Variants in RHBDD1 observed in about 807,000 individuals in gnomAD.
RHBDD1 encodes the protein rhomboid-related protein 4.
A neutral mutation model predicts 36.3 loss-of-function variants in RHBDD1; 38 were observed. That is an observed-to-expected ratio of 1.05 (90% CI 0.81 to 1.37). The LOEUF is 1.37. Ranked by LOEUF, RHBDD1 falls within the 40% of genes most tolerant of loss-of-function variation. The probability of loss-of-function intolerance (pLI) is 0.00; values close to 1 mark genes in which losing one functional copy is unlikely to be tolerated. For missense variants in RHBDD1, 393 were observed against 377.6 expected (o/e 1.04, Z -0.34); for synonymous variants, 151 against 136.5 (o/e 1.11, Z -0.74).
At chr2:226,916,809 G>T (rs1014057602) in intron 8 of RHBDD1, among the ~76,000 whole-genome samples, 1 of 152,168 alleles carries the variant, frequency 6.6e-6, no homozygotes, top group Non-Finnish European at 1.5e-5. Flanking sequence ...TTGTAGTTTT[G>T]TTTCTAAAGG....
chr2:226,817,873 A>G, the RHBDD1 span, among the ~76,000 whole-genome samples: 1 of 152,336 alleles, frequency 6.6e-6, no homozygotes, highest in African/African-American at 2.4e-5. Context: ...TCTTCAGTGA[A>G]TTCCGCAGTC....
chr2:226,871,255 TA>T (rs1330891441), intron 5 of RHBDD1, among the ~76,000 whole-genome samples: 1 of 152,196 alleles, frequency 6.6e-6, no homozygotes, highest in Non-Finnish European at 1.5e-5. Flanking sequence ...TATAAATTTA[TA>T]AATTTTCAAA....
At chr2:226,809,423 A>G in the RHBDD1 span, among the ~76,000 whole-genome samples, 5 of 152,364 alleles carry the variant, frequency 3.3e-5, no homozygotes, top group African/African-American at 1.2e-4. Flanking sequence ...CAAAAGTTCA[A>G]CATACTCAGA....
Position 226,864,855 on chromosome 2 carries a change from T to TA in RHBDD1, c.163dup (p.Ser55LysfsTer23). On this transcript the variant is annotated frameshift_variant, in exon 4 of 9. Transcript: ENST00000392062. LOFTEE classifies it high-confidence loss of function. The stretch of plus-strand genomic sequence containing the variant: ...AGAAGCCACTGTATAGCTCCTGCCT[T>TA]AGTGTGGAGAAGTGTTACCAGCAAA... 1 of 1,614,196 alleles carries TA rather than the reference T, an allele frequency of 6.2e-7. No individual in the cohort carries two copies.
At chr2:226,911,376 A>G (rs1948504179) in intron 7 of RHBDD1, among the ~76,000 whole-genome samples, 3 of 152,016 alleles carry the variant, frequency 2.0e-5, no homozygotes, top group South Asian at 2.1e-4. Context: ...ATTCATAGGG[A>G]ATTGGGCAGT....
chr2:226,885,414 C>G (rs1313399648), intron 5 of RHBDD1, among the ~76,000 whole-genome samples: 3 of 151,954 alleles, frequency 2.0e-5, no homozygotes, highest in Non-Finnish European at 2.9e-5. Context: ...GGAGAACCCC[C>G]TAAACATCCA....
At chr2:226,903,234 T>G (rs2125607310) in intron 5 of RHBDD1, among the ~76,000 whole-genome samples, 1 of 152,346 alleles carries the variant, frequency 6.6e-6, no homozygotes, top group East Asian at 1.9e-4. Context: ...GCCTTCTGCA[T>G]TTTTAGTTAG....
At chr2:226,929,048 A>G (rs986865380) in intron 8 of RHBDD1, among the ~76,000 whole-genome samples, 3 of 152,112 alleles carry the variant, frequency 2.0e-5, no homozygotes, top group Non-Finnish European at 4.4e-5. Context: ...TGCCAGACAG[A>G]TTCACAGCCA....
chr2:226,830,158 C>A, the RHBDD1 span, among the ~76,000 whole-genome samples: 1 of 152,144 alleles, frequency 6.6e-6, no homozygotes, highest in Non-Finnish European at 1.5e-5. Context: ...AAATTCTAAT[C>A]TCCAAGGTGA....
At chr2:226,913,151 G>T (rs1055051671) in intron 7 of RHBDD1, among the ~76,000 whole-genome samples, 1 of 152,108 alleles carries the variant, frequency 6.6e-6, no homozygotes, top group Non-Finnish European at 1.5e-5. Flanking sequence ...TGGCTGGATT[G>T]TGTTTTTTTT....
intron 5 of RHBDD1, among the ~76,000 whole-genome samples, chr2:226,881,301 A>G (rs190678855): frequency 6.5e-4 from 99 of 152,338 alleles, no homozygotes; most frequent in South Asian, 2.7e-3. Context: ...GCCTAACCAC[A>G]TCACTGCCCA....
intron 8 of RHBDD1, among the ~76,000 whole-genome samples, chr2:226,933,101 T>A (rs539513807): frequency 3.9e-5 from 6 of 152,136 alleles, no homozygotes; most frequent in Admixed American, 1.3e-4. Flanking sequence ...TCAGATCTCA[T>A]GAGACCTCAC....
At position 226,997,591 on chromosome 2, in the gene RHBDD1, T is replaced by G; in HGVS notation, c.*2069T>G. 6.6e-6 allele frequency: 1 copy of G among 152,232 alleles called. No homozygotes were observed. Among genetic ancestry groups the G allele is most frequent in the East Asian group, 1.9e-4 (1 of 5,200 alleles). 9.4% of individuals were successfully genotyped at this position (152,232 alleles called of 1,614,324 possible). ...CACCAAAGTATTTTTTCCATTGTAT[T>G]AAGAGTCCAGTCACTGTATATGGAA... On this transcript the variant is annotated 3_prime_UTR_variant, in exon 9 of 9. Coordinates refer to ENST00000392062, the MANE Select transcript of RHBDD1 (RefSeq NM_001167608.3).
chr2:226,906,950 G>A (rs780576305), intron 6 of RHBDD1, 69 bp downstream of exon 6: 12 of 1,508,658 alleles, frequency 8.0e-6, no homozygotes, highest in African/African-American at 6.9e-5. Flanking sequence ...GTGAACAGAA[G>A]CAACCCCAAG....
chr2:226,915,055 T>C (rs1374178055), intron 8 of RHBDD1, among the ~76,000 whole-genome samples: 3 of 152,036 alleles, frequency 2.0e-5, no homozygotes, highest in Non-Finnish European at 4.4e-5. Context: ...GTGGTAAAAG[T>C]TGGAAACTAC....
intron 8 of RHBDD1, chr2:226,935,102 C>T (rs965986787): frequency 1.1e-4 from 17 of 152,200 alleles, no homozygotes; most frequent in Non-Finnish European, 2.2e-4. Flanking sequence ...CAGCTCTGCA[C>T]TACACAGTTG....
chr2:226,975,787 A>G (rs1284784696), intron 8 of RHBDD1, among the ~76,000 whole-genome samples: 1 of 152,214 alleles, frequency 6.6e-6, no homozygotes, highest in South Asian at 2.1e-4. Flanking sequence ...CTTAGGAACT[A>G]CAGATTATTT....
chr2:226,890,297 G>A (rs114187076), intron 5 of RHBDD1, among the ~76,000 whole-genome samples: 328 of 152,312 alleles, frequency 2.2e-3, no homozygotes, highest in African/African-American at 7.0e-3. Context: ...TACCTGCAAC[G>A]TGTCAGCCAT....
chr2:226,832,118 T>A (rs919587194), upstream of RHBDD1, among the ~76,000 whole-genome samples: 3 of 152,054 alleles, frequency 2.0e-5, no homozygotes, highest in Non-Finnish European at 4.4e-5. Flanking sequence ...GATTTGAGAC[T>A]CTTTTTCTTG....
Sources: allele counts gnomAD v4.1 joint callset (sites outside exome capture counted in the v4.1 genomes callset), GRCh38; gene constraint gnomAD v4.1.1; transcripts MANE v1.5; gene names NCBI Gene and HGNC (gene_info 2026-07-23, HGNC 2026-07-21).